C9: variants seen among roughly 807,000 people sequenced by gnomAD.
The protein encoded by C9 is complement C9.
In C9, 63 loss-of-function variants were observed where a neutral mutation model predicts 65.4. That is an observed-to-expected ratio of 0.96 (90% CI 0.79 to 1.19). The LOEUF (loss-of-function observed/expected upper bound fraction) is 1.19. Among genes scored for constraint, C9 ranks in the 50% most tolerant of loss-of-function variants. C9 has a pLI of 0.00. For synonymous variants in C9, 229 were observed against 227.9 expected, an observed-to-expected ratio of 1.00 and a Z score of -0.04; for missense variants, 744 against 670.1, an observed-to-expected ratio of 1.11 and a Z score of -1.22.
At chr5:39,300,376 C>T (rs1753258676) in intron 9 of C9, among the ~76,000 whole-genome samples, 1 of 152,094 alleles carries the variant, frequency 6.6e-6, no homozygotes, top group Non-Finnish European at 1.5e-5. Flanking sequence ...TGCACCACTG[C>T]ACTCCTGCCT....
At chr5:39,345,091 T>G (rs144366014) in intron 1 of C9, among the ~76,000 whole-genome samples, 43,078 of 151,216 alleles carry the variant, frequency 0.28, 6,998 homozygotes, top group Non-Finnish European at 0.36. Context: ...AGATCATCAA[T>G]GCCAGGAAGA....
At chr5:39,313,172 T>C (rs1753516177) in intron 6 of C9, among the ~76,000 whole-genome samples, 2 of 152,202 alleles carry the variant, frequency 1.3e-5, no homozygotes, top group African/African-American at 4.8e-5. Context: ...TTGGCCTCGC[T>C]TGCCTGACCA....
chr5:39,328,416 C>T (rs891858900), intron 5 of C9, among the ~76,000 whole-genome samples: 1 of 152,156 alleles, frequency 6.6e-6, no homozygotes, highest in Non-Finnish European at 1.5e-5. Context: ...ACCTACTGAA[C>T]AATGTGGAGG....
chr5:39,350,502 C>T (rs1476126324), intron 1 of C9, among the ~76,000 whole-genome samples: 1 of 152,136 alleles, frequency 6.6e-6, no homozygotes, highest in Non-Finnish European at 1.5e-5. Flanking sequence ...AAGGCAAGTC[C>T]CTTCTGCCTA....
At chr5:39,294,363 C>T (rs1252834740) in intron 9 of C9, among the ~76,000 whole-genome samples, 2 of 151,474 alleles carry the variant, frequency 1.3e-5, no homozygotes, top group African/African-American at 4.8e-5. Context: ...TAAATAAAAT[C>T]AGATACAAAA....
chr5:39,308,235 C>G lies in C9; in HGVS notation c.1235G>C (p.Arg412Thr). ...ACAAGTGAGGCCACACTTACCAGCTCTACCCTCTCCCCTCTTTACACAATC... is the reference window on the plus strand; with the variant it reads ...ACAAGTGAGGCCACACTTACCAGCTGTACCCTCTCCCCTCTTTACACAATC... ...KDDCVKRGEG[R>T]AVNITSENLI... Residue 412 changes from arginine (R) to threonine (T), a missense_variant, in exon 8 of 11, where the codon AGA (arginine) becomes ACA (threonine). Coordinates refer to ENST00000263408, the MANE Select transcript of C9 (RefSeq NM_001737.5). 1.2e-6 allele frequency: 2 copies of G among 1,613,204 alleles called. No homozygotes were observed. The highest frequency in any genetic ancestry group is 1.1e-5 in the South Asian group (1 of 91,066).
chr5:39,314,133 G>A (rs1317083532), intron 6 of C9, among the ~76,000 whole-genome samples: 11 of 152,016 alleles, frequency 7.2e-5, no homozygotes, highest in Non-Finnish European at 1.5e-5. Context: ...AAATATAATA[G>A]AGAATGTCAA....
chr5:39,312,563 C>A (rs1241922037), intron 6 of C9, among the ~76,000 whole-genome samples: 1 of 152,082 alleles, frequency 6.6e-6, no homozygotes, highest in Non-Finnish European at 1.5e-5. Context: ...CTCAAGTCAG[C>A]CTAAGCAACT....
chr5:39,326,973 T>C (rs1182602534), intron 5 of C9, among the ~76,000 whole-genome samples: 1 of 151,654 alleles, frequency 6.6e-6, no homozygotes, highest in East Asian at 1.9e-4. Context: ...TTATCTAGCA[T>C]AGTATACAAT....
chr5:39,294,088 T>C (rs922549114), intron 9 of C9, among the ~76,000 whole-genome samples: 2 of 151,790 alleles, frequency 1.3e-5, no homozygotes, highest in African/African-American at 4.8e-5. Context: ...TAGAAACCAA[T>C]GTCTACTTCA....
intron 5 of C9, among the ~76,000 whole-genome samples, chr5:39,320,054 T>G (rs556738205): frequency 2.6e-5 from 4 of 152,350 alleles, no homozygotes; most frequent in Non-Finnish European, 5.9e-5. Flanking sequence ...AGGAATGGAA[T>G]AAGTGCTTAC....
chr5:39,342,225 A>G (rs1305111996), intron 1 of C9, 29 bp from the exon 2 acceptor site: 1 of 1,167,046 alleles, frequency 8.6e-7, no homozygotes. Flanking sequence ...CCAGTTTATA[A>G]TGACCATTGT....
intron 5 of C9, among the ~76,000 whole-genome samples, chr5:39,318,578 T>G (rs1301179876): frequency 1.3e-5 from 2 of 151,826 alleles, no homozygotes; most frequent in African/African-American, 4.8e-5. Context: ...TTTTGCCAAC[T>G]TGGCTATTGT....
intron 1 of C9, among the ~76,000 whole-genome samples, chr5:39,359,524 G>C (rs1754478090): frequency 6.6e-6 from 1 of 152,114 alleles, no homozygotes. Context: ...GGATGCAAGG[G>C]AGTGGGTCTA....
At chr5:39,293,826 AAATTTTACAAATTGAAATTATATTAAAT>A (rs1306610343) in intron 9 of C9, among the ~76,000 whole-genome samples, 1 of 151,906 alleles carries the variant, frequency 6.6e-6, no homozygotes, top group Non-Finnish European at 1.5e-5. Context: ...AGTCTCGAAA[AAATTTTACAAATTGAAATTATATTAAAT>A]ACCTTCTAAG....
chr5:39,341,180 C>G lies in C9; in HGVS notation c.442G>C (p.Glu148Gln), dbSNP rs1380996190. The part of the protein sequence containing the change: ...PRPPCRDRVV[E>Q]ESELARTAGY... ...GCTGTTCGTGCCAGCTCAGACTCTTCTACCACTCTGTCTCTGCAGGGGGGA... is the reference window on the plus strand; with the variant it reads ...GCTGTTCGTGCCAGCTCAGACTCTTGTACCACTCTGTCTCTGCAGGGGGGA... The change falls in exon 4 of 11, where the codon GAA becomes CAA. Residue 148 changes from glutamate to glutamine, a missense_variant. Coordinates refer to ENST00000263408, the MANE Select transcript of C9 (RefSeq NM_001737.5). The G allele has an allele frequency of 1.9e-6, 3 of 1,614,116 alleles. No individual in the cohort carries two copies. The highest frequency in any genetic ancestry group is 2.5e-6 in the Non-Finnish European group (3 of 1,180,056).
chr5:39,315,748 A>G lies in C9; in HGVS notation c.870+27T>C, dbSNP rs370941399. 1.8e-5 allele frequency: 27 copies of G among 1,526,232 alleles called. No individual in the cohort carries two copies. The East Asian group carries it at 2.7e-4, about 15-fold the overall frequency. 94.5% of individuals were successfully genotyped at this position (1,526,232 alleles called of 1,614,324 possible). A position where few individuals can be genotyped will look rare whatever the true frequency, so the allele number is the denominator to read the frequency against. ...TCTGGGTAGTTTGGAACCTTTCTAT[A>G]TTCCTATATTAACTGTTTTGTCTTA... On this transcript the variant is annotated intron_variant, in intron 6 of 10. Coordinates refer to ENST00000263408, the MANE Select transcript of C9 (RefSeq NM_001737.5).
In C9 at chr5:39,311,362, G is replaced by A. The variant is rs1434620977; in HGVS notation, c.886C>T (p.His296Tyr). 6.2e-7 allele frequency: 1 copy of A among 1,611,720 alleles called. No individual in the cohort carries two copies. The highest frequency in any genetic ancestry group is 1.3e-5 in the African/African-American group (1 of 74,836). ...CCCAGATGAATTTCTCCTTTCACATGCAGAAACATTTTTTCCTGTGTTGTA... is the reference window on the plus strand; with the variant it reads ...CCCAGATGAATTTCTCCTTTCACATACAGAAACATTTTTTCCTGTGTTGTA... ...YSSKKEKMFL[H>Y]VKGEIHLGRF... The change falls in exon 7 of 11, where the codon CAT becomes TAT. Residue 296 changes from histidine to tyrosine, a missense_variant. Coordinates refer to ENST00000263408, the MANE Select transcript of C9 (RefSeq NM_001737.5).
At chr5:39,308,494 G>A (rs749876857) in intron 7 of C9, 136 bp from the exon 8 acceptor site, 2 of 709,768 alleles carry the variant, frequency 2.8e-6, no homozygotes, top group Non-Finnish European at 2.5e-6. Context: ...GTGCCATCAT[G>A]TCTGTCCTGC....
Sources: allele counts gnomAD v4.1 joint callset (sites outside exome capture counted in the v4.1 genomes callset), GRCh38; gene constraint gnomAD v4.1.1; transcripts MANE v1.5; gene names NCBI Gene and HGNC (gene_info 2026-07-23, HGNC 2026-07-21).